The following ANKRD12 variants were observed in gnomAD, a reference collection of about 807,000 sequenced individuals.
ANKRD12 encodes the protein ankyrin repeat domain 12.
ANKRD12 carries 85 observed loss-of-function variants against 183.4 expected under a neutral mutation model. The ratio of observed to expected loss-of-function variants is 0.46; its 90% CI spans 0.39 to 0.56. ANKRD12 has a LOEUF of 0.56. Among genes scored for constraint, ANKRD12 ranks in the 20% least tolerant of loss-of-function variants. The pLI, the probability that ANKRD12 is intolerant of heterozygous loss-of-function variation, is 0.00. For missense variants in ANKRD12, 2,405 were observed against 2,357.1 expected (o/e 1.02, Z -0.42); for synonymous variants, 914 against 800.2 (o/e 1.14, Z -2.40).
In ANKRD12 at chr18:9,284,516, C is replaced by T. The variant is rs563613571; in HGVS notation, c.*3390C>T. The T allele has an allele frequency of 3.8e-4, 58 of 152,004 alleles. No homozygotes were observed. Among genetic ancestry groups the T allele is most frequent in the African/African-American group, 1.4e-3 (58 of 41,472 alleles). 9.4% of individuals were successfully genotyped at this position (152,004 alleles called of 1,614,324 possible). On this transcript the variant is annotated 3_prime_UTR_variant, in exon 13 of 13. Transcript: ENST00000262126. Reference sequence around the variant, plus strand: ...AACAGTTTAAAGGAAGCATTTTCACCGTTTGTAAAAATTATTTTTAAATAT... The same window carrying T: ...AACAGTTTAAAGGAAGCATTTTCACTGTTTGTAAAAATTATTTTTAAATAT...
chr18:9,201,510 C>A (rs925947290), intron 3 of ANKRD12, among the ~76,000 whole-genome samples: 1 of 152,140 alleles, frequency 6.6e-6, no homozygotes. Context: ...TTTCTTTATT[C>A]GTTCCCAAGA....
intron 1 of ANKRD12, among the ~76,000 whole-genome samples, chr18:9,169,195 AT>A (rs1421169680): frequency 6.6e-6 from 1 of 152,092 alleles, no homozygotes; most frequent in Non-Finnish European, 1.5e-5. Context: ...TATGCTGTTG[AT>A]TTGGGGTGGA....
chr18:9,184,291 C>T (rs1009306728), intron 2 of ANKRD12, among the ~76,000 whole-genome samples: 1 of 152,176 alleles, frequency 6.6e-6, no homozygotes, highest in African/African-American at 2.4e-5. Flanking sequence ...AAGTTACTAT[C>T]TGGTGTAAGA....
intron 8 of ANKRD12, among the ~76,000 whole-genome samples, chr18:9,231,531 A>C (rs2037046296): frequency 6.6e-6 from 1 of 151,960 alleles, no homozygotes; most frequent in Non-Finnish European, 1.5e-5. Flanking sequence ...TTTTGACTTA[A>C]AGATATTTTA....
Position 9,195,662 on chromosome 18 carries a change from A to G in ANKRD12, c.199A>G (p.Ser67Gly), listed in dbSNP as rs1384343754. 1 of 1,612,498 alleles carries G rather than the reference A, an allele frequency of 6.2e-7. No individual in the cohort carries two copies. The highest frequency in any genetic ancestry group is 8.5e-7 in the Non-Finnish European group (1 of 1,179,188). The part of the protein sequence containing the change: ...SMKRKLPFTI[S>G]PSRNEERDSD... ...GAAACGTAAACTTCCTTTTACTATTAGCCCATCAAGAAATGAAGAACGAGA... is the reference window on the plus strand; with the variant it reads ...GAAACGTAAACTTCCTTTTACTATTGGCCCATCAAGAAATGAAGAACGAGA... The change falls in exon 3 of 13, where the codon AGC (serine) becomes GGC (glycine). Residue 67 changes from serine (S) to glycine (G), a missense_variant. Ser to Gly is a moderately conservative substitution (Grantham distance 56, BLOSUM62 0). This residue lies in a region of ANKRD12 where 145 missense variants were observed against 145.6 expected (regional missense o/e 1.00). Transcript: ENST00000262126.
chr18:9,142,565 C>A (rs1378925193), intron 1 of ANKRD12, among the ~76,000 whole-genome samples: 2 of 152,188 alleles, frequency 1.3e-5, no homozygotes, highest in African/African-American at 4.8e-5. Flanking sequence ...ACATTAAAAA[C>A]ATTCCTTATA....
At chr18:9,244,262 C>T (rs1034266883) in intron 8 of ANKRD12, among the ~76,000 whole-genome samples, 7 of 152,118 alleles carry the variant, frequency 4.6e-5, no homozygotes, top group African/African-American at 1.4e-4. Context: ...CTAAAAACAT[C>T]CTTGGATATA....
chr18:9,160,103 C>T (rs927634411), intron 1 of ANKRD12, among the ~76,000 whole-genome samples: 2 of 151,996 alleles, frequency 1.3e-5, no homozygotes, highest in Non-Finnish European at 2.9e-5. Flanking sequence ...AACCGTGTCT[C>T]TACCAAAAAT....
chr18:9,149,393 T>C (rs1416485162), intron 1 of ANKRD12, among the ~76,000 whole-genome samples: 1 of 152,224 alleles, frequency 6.6e-6, no homozygotes, highest in African/African-American at 2.4e-5. Flanking sequence ...GGAGAATTAG[T>C]TCATTTAGAC....
intron 1 of ANKRD12, among the ~76,000 whole-genome samples, chr18:9,147,227 C>T (rs1340004706): frequency 6.6e-6 from 1 of 151,936 alleles, no homozygotes; most frequent in Non-Finnish European, 1.5e-5. Context: ...AAAACTATAT[C>T]GATTATTTAA....
At chr18:9,210,895 GAATT>G (rs1260445914) in intron 5 of ANKRD12, among the ~76,000 whole-genome samples, 13 of 151,512 alleles carry the variant, frequency 8.6e-5, no homozygotes, top group Admixed American at 2.6e-4. Context: ...TAAATTTTCA[GAATT>G]AATTAACACT....
At chr18:9,170,005 G>T (rs558597206) in intron 1 of ANKRD12, among the ~76,000 whole-genome samples, 1 of 152,162 alleles carries the variant, frequency 6.6e-6, no homozygotes, top group Non-Finnish European at 1.5e-5. Flanking sequence ...ATTCTGGGTT[G>T]AAAATTATTT....
intron 8 of ANKRD12, chr18:9,239,541 G>C: frequency 7.8e-7 from 1 of 1,283,844 alleles, no homozygotes; most frequent in Non-Finnish European, 1.0e-6. Context: ...CTCAAGGAAT[G>C]ATACAAAAAT....
In ANKRD12 at chr18:9,208,849, C is replaced by G; in HGVS notation, c.451+46C>G. 2.8e-6 allele frequency: 4 copies of G among 1,448,920 alleles called. No individual in the cohort carries two copies. The South Asian group carries it at 6.5e-5, about 23-fold the overall frequency. The allele number at this position is 1,448,920 out of a possible 1,614,324, so 89.8% of individuals were successfully genotyped here. The stretch of plus-strand genomic sequence containing the variant: ...GTTAATGTGTATCCCTAGTTTTCCT[C>G]AGGCAACTGTAGTCTCGTCTTAACA... On this transcript the variant is annotated intron_variant, in intron 5 of 12. Coordinates refer to ENST00000262126, the MANE Select transcript of ANKRD12 (RefSeq NM_015208.5).
chr18:9,215,986 A>G (rs2036080983), intron 6 of ANKRD12, among the ~76,000 whole-genome samples: 1 of 150,234 alleles, frequency 6.7e-6, no homozygotes, highest in Non-Finnish European at 1.5e-5. Context: ...TTGACCTTAG[A>G]GGGTTCCAAT....
intron 2 of ANKRD12, among the ~76,000 whole-genome samples, chr18:9,193,277 C>T (rs986942841): frequency 6.6e-6 from 1 of 151,696 alleles, no homozygotes; most frequent in African/African-American, 2.4e-5. Context: ...TAGCTAGGAA[C>T]ACAGGCGCAT....
chr18:9,188,730 T>C (rs1358407443), intron 2 of ANKRD12, among the ~76,000 whole-genome samples: 2 of 152,250 alleles, frequency 1.3e-5, no homozygotes, highest in African/African-American at 4.8e-5. Context: ...TTTCCAACTT[T>C]TTCATTATCA....
intron 8 of ANKRD12, chr18:9,235,935 C>T: frequency 1.4e-5 from 3 of 209,996 alleles, no homozygotes; most frequent in Non-Finnish European, 2.0e-5. Context: ...TATATAATAT[C>T]TAGATATTGA....
At chr18:9,230,834 T>A (rs1465686227) in intron 8 of ANKRD12, among the ~76,000 whole-genome samples, 13 of 140,820 alleles carry the variant, frequency 9.2e-5, no homozygotes, top group Non-Finnish European at 1.8e-4. Context: ...AATTTTTGTA[T>A]TTTTTTTTTT....
Sources: gnomAD v4.1 joint callset for allele counts (sites outside exome capture counted in the v4.1 genomes callset) on GRCh38, gnomAD v4.1.1 for gene constraint, gnomAD v4.1.1 regional missense constraint, MANE v1.5 for transcripts, NCBI Gene and HGNC (gene_info 2026-07-23, HGNC 2026-07-21) for gene names.